The following CDH23 variants were observed in gnomAD, a reference collection of about 807,000 sequenced individuals.
CDH23 encodes cadherin-23.
Under a neutral mutation model 317.1 loss-of-function variants are expected in CDH23, and 189 were observed. That is an observed-to-expected ratio of 0.60 (90% CI 0.53 to 0.67). CDH23 has a LOEUF of 0.67. Ranked by LOEUF, CDH23 falls within the 30% of genes least tolerant of loss-of-function variation. The probability of loss-of-function intolerance (pLI) is 0.00; values close to 1 mark genes in which losing one functional copy is unlikely to be tolerated. For missense variants in CDH23, 4,401 were observed against 4,592.4 expected (o/e 0.96, Z 1.20); for synonymous variants, 1,839 against 1,876.8 (o/e 0.98, Z 0.52).
chr10:71,629,033 C>T (rs1861883462), intron 11 of CDH23, among the ~76,000 whole-genome samples: 3 of 152,170 alleles, frequency 2.0e-5, no homozygotes, highest in Admixed American at 1.3e-4. Flanking sequence ...CAGGCGCCCA[C>T]GGGCCTCTGG....
intron 17 of CDH23, among the ~76,000 whole-genome samples, 162 bp from the exon 18 acceptor site, chr10:71,682,283 G>A (rs961141565): frequency 6.6e-6 from 1 of 152,224 alleles, no homozygotes; most frequent in Non-Finnish European, 1.5e-5. Flanking sequence ...CAGGCAGTCA[G>A]GAAACCTCAG....
Position 71,523,210 on chromosome 10 carries a change from C to T in CDH23, c.429+11998C>T, listed in dbSNP as rs1854802571. On this transcript the variant is annotated intron_variant, in intron 6 of 69. Coordinates refer to ENST00000224721, the MANE Select transcript of CDH23 (RefSeq NM_022124.6). ...CCTCCCACAAAGCTTCTGTTCACAT[C>T]AGCAACCCAATCTCAGTCCTGCATG... Among the ~76,000 whole-genome samples, 2 of 152,200 alleles carry T rather than the reference C, an allele frequency of 1.3e-5. 1 individual carries two copies. Among genetic ancestry groups the T allele is most frequent in the South Asian group, 4.1e-4 (2 of 4,822 alleles).
Position 71,805,961 on chromosome 10 carries a change from T to G in CDH23, c.8028T>G (p.Ala2676=). The change falls in exon 56 of 70, where the codon GCT becomes GCG. Residue 2676 remains alanine, a synonymous_variant. Transcript: ENST00000224721. ...CAATCAGCGGCCTCATCCAGACTGC[T>G]CAGCGCCTGGACCGCGAGTCGCAGG... The part of the protein sequence containing the change: ...IDPISGLIQT[A]QRLDRESQAV... The G allele has an allele frequency of 6.3e-7, 1 of 1,594,198 alleles. No individual in the cohort carries two copies. The highest frequency in any genetic ancestry group is 8.6e-7 in the Non-Finnish European group (1 of 1,169,380).
intron 18 of CDH23, among the ~76,000 whole-genome samples, chr10:71,686,927 G>T (rs544049472): frequency 9.2e-5 from 14 of 152,346 alleles, no homozygotes; most frequent in African/African-American, 3.4e-4. Flanking sequence ...GTTGGGGGGT[G>T]CGTAGCAGGA....
intron 14 of CDH23, among the ~76,000 whole-genome samples, chr10:71,667,359 A>AGTGTGTGTGTGTGTGTGT (rs67337082): frequency 1.8e-4 from 20 of 112,110 alleles, no homozygotes; most frequent in Non-Finnish European, 1.9e-4. Context: ...AGAGAGAGAG[A>AGTGTGTGTGTGTGTGTGT]GTGTGTGTGT....
chr10:71,541,793 C>T (rs1367514819), intron 6 of CDH23, among the ~76,000 whole-genome samples: 1 of 152,186 alleles, frequency 6.6e-6, no homozygotes, highest in South Asian at 2.1e-4. Context: ...CAAAAGCAGC[C>T]ACAGATAGCA....
chr10:71,634,360 CACTT>C (rs1455267627), intron 11 of CDH23, among the ~76,000 whole-genome samples: 8 of 152,258 alleles, frequency 5.3e-5, no homozygotes, highest in Admixed American at 3.3e-4. Flanking sequence ...TCTCTGAAAA[CACTT>C]ACACCCCACT....
chr10:71,398,428 AGTGTGTGTGTGTGTGTGTGTGT>A (rs143519061), intron 1 of CDH23, among the ~76,000 whole-genome samples: 3 of 120,166 alleles, frequency 2.5e-5, no homozygotes, highest in Non-Finnish European at 5.2e-5. Context: ...GAGACACAGG[AGTGTGTGTGTGTGTGTGTGTGT>A]GTGTGTGTGT....
intron 28 of CDH23, among the ~76,000 whole-genome samples, chr10:71,720,268 A>C (rs1028910955): frequency 3.9e-5 from 6 of 152,076 alleles, no homozygotes; most frequent in African/African-American, 1.4e-4. Context: ...CTTCCCTTTG[A>C]AGGTGTCTGG....
At chr10:71,753,210 C>T (rs1589397614) in intron 38 of CDH23, among the ~76,000 whole-genome samples, 2 of 152,210 alleles carry the variant, frequency 1.3e-5, no homozygotes, top group East Asian at 3.8e-4. Flanking sequence ...ATGAGGGGCC[C>T]ATTTTGACGA....
At chr10:71,539,704 TTCTC>T (rs1855887781) in intron 6 of CDH23, among the ~76,000 whole-genome samples, 1 of 151,798 alleles carries the variant, frequency 6.6e-6, no homozygotes, top group South Asian at 2.1e-4. Flanking sequence ...CTTTGCTCCC[TTCTC>T]TCTCTTTCCT....
chr10:71,536,153 T>G (rs1218240649), intron 6 of CDH23, among the ~76,000 whole-genome samples: 1 of 152,154 alleles, frequency 6.6e-6, no homozygotes, highest in Non-Finnish European at 1.5e-5. Flanking sequence ...CATGGTGTCA[T>G]GGGGACAAGG....
At chr10:71,503,744 C>G (rs1456333731) in intron 3 of CDH23, among the ~76,000 whole-genome samples, 2 of 152,186 alleles carry the variant, frequency 1.3e-5, no homozygotes, top group Non-Finnish European at 2.9e-5. Flanking sequence ...TAGCTAGACT[C>G]TGCTGATTGA....
At chr10:71,506,827 A>G (rs975510402) in intron 3 of CDH23, among the ~76,000 whole-genome samples, 2 of 152,206 alleles carry the variant, frequency 1.3e-5, no homozygotes, top group Admixed American at 6.5e-5. Context: ...CTGGGACACA[A>G]AGAAGGCATG....
At chr10:71,467,686 T>G (rs1292593928) in intron 3 of CDH23, among the ~76,000 whole-genome samples, 1 of 152,070 alleles carries the variant, frequency 6.6e-6, no homozygotes, top group Non-Finnish European at 1.5e-5. Flanking sequence ...GTCCATGAAG[T>G]GTGGAGGATG....
intron 28 of CDH23, chr10:71,717,850 A>G (rs1866351883): frequency 6.6e-6 from 1 of 152,262 alleles, no homozygotes; most frequent in South Asian, 2.1e-4. Flanking sequence ...GCAAGAAAGA[A>G]GAGAGGTGGG....
At chr10:71,416,006 T>C (rs991135693) in intron 1 of CDH23, among the ~76,000 whole-genome samples, 1 of 152,240 alleles carries the variant, frequency 6.6e-6, no homozygotes, top group African/African-American at 2.4e-5. Context: ...TGAGGTTAAA[T>C]ATGTACATCT....
intron 4 of CDH23, 73 bp from the exon 5 acceptor site, chr10:71,510,881 C>T: frequency 6.8e-7 from 1 of 1,475,046 alleles, no homozygotes; most frequent in Non-Finnish European, 9.5e-7. Flanking sequence ...CCCCTCCCGC[C>T]CCATTTAGGG....
intron 3 of CDH23, among the ~76,000 whole-genome samples, chr10:71,497,633 G>A (rs1009095210): frequency 3.3e-5 from 5 of 152,178 alleles, no homozygotes; most frequent in South Asian, 2.1e-4. Flanking sequence ...TCTATCCTCC[G>A]CTGCGGAGCG....
Sources: gnomAD v4.1 joint callset for allele counts (sites outside exome capture counted in the v4.1 genomes callset) on GRCh38, gnomAD v4.1.1 for gene constraint, MANE v1.5 for transcripts, NCBI Gene and HGNC (gene_info 2026-07-23, HGNC 2026-07-21) for gene names.